Variants in IP6K2 observed in about 807,000 individuals in gnomAD.
IP6K2 encodes the protein inositol hexakisphosphate kinase 2.
Under a neutral mutation model 43.3 loss-of-function variants are expected in IP6K2, and 9 were observed. The observed-to-expected ratio is 0.21, with a 90% CI of 0.13 to 0.36. The LOEUF (loss-of-function observed/expected upper bound fraction) is 0.36, where lower values mean the gene tolerates loss of function less well. Ranked by LOEUF, IP6K2 falls within the 10% of genes least tolerant of loss-of-function variation. IP6K2 has a pLI of 1.00. For synonymous variants in IP6K2, 209 were observed against 202.4 expected (o/e 1.03, Z -0.28); for missense variants, 332 against 538.4 (o/e 0.62, Z 3.79).
At chr3:48,702,951 C>T (rs1307390581) in intron 1 of IP6K2, among the ~76,000 whole-genome samples, 1 of 152,216 alleles carries the variant, frequency 6.6e-6, no homozygotes, top group East Asian at 1.9e-4. Context: ...GCACCCACTG[C>T]AATCATCATC....
intron 2 of IP6K2, chr3:48,694,007 ACC>A: frequency 7.2e-7 from 1 of 1,384,396 alleles, no homozygotes; most frequent in South Asian, 1.8e-5. Context: ...CTGGCTGAAC[ACC>A]TTTCCTCCCA....
intron 1 of IP6K2, chr3:48,716,603 TAA>T (rs2081220018): frequency 6.6e-6 from 1 of 152,196 alleles, no homozygotes; most frequent in Non-Finnish European, 1.5e-5. Context: ...ATAATAAGGT[TAA>T]GTGTGTAGAT....
rs904359621 is a variant in IP6K2, at chr3:48,695,543, C to T, written c.-130-122G>A. 21 of 1,233,130 alleles carry T rather than the reference C, an allele frequency of 1.7e-5. No individual in the cohort carries two copies. The highest frequency in any genetic ancestry group is 4.6e-5 in the African/African-American group (3 of 65,538). The allele number at this position is 1,233,130 out of a possible 1,614,324, so 76.4% of individuals were successfully genotyped here. A position where few individuals can be genotyped will look rare whatever the true frequency, so the allele number is the denominator to read the frequency against. ...AACAGTCTGAGTTCTTGCGGGACTC[C>T]GCCCATGCCACCCACCTTGGCCCCC... On this transcript the variant is annotated intron_variant, in intron 1 of 5. Coordinates refer to ENST00000328631, the MANE Select transcript of IP6K2 (RefSeq NM_016291.4). This position sits in a 1 kb window ranked among gnomAD's most constrained non-coding sequence, Gnocchi z 4.6.
intron 1 of IP6K2, among the ~76,000 whole-genome samples, chr3:48,715,980 G>A (rs1481011119): frequency 2.0e-5 from 3 of 150,574 alleles, no homozygotes; most frequent in Non-Finnish European, 4.4e-5. Flanking sequence ...TGTCAAATGT[G>A]ATAAAGTATT....
intron 1 of IP6K2, among the ~76,000 whole-genome samples, chr3:48,696,818 C>T (rs996492077): frequency 2.6e-5 from 4 of 152,112 alleles, no homozygotes; most frequent in African/African-American, 9.7e-5. Flanking sequence ...GTATCAGGCT[C>T]ATGACAGGAA....
intron 1 of IP6K2, among the ~76,000 whole-genome samples, chr3:48,701,860 T>C (rs1224522505): frequency 1.3e-5 from 2 of 152,162 alleles, no homozygotes; most frequent in Non-Finnish European, 2.9e-5. Flanking sequence ...ATCGCACTAC[T>C]GTACTCCAGC....
At chr3:48,693,806 C>T in intron 2 of IP6K2, 1 of 1,081,530 alleles carries the variant, frequency 9.2e-7, no homozygotes, top group Non-Finnish European at 1.1e-6. Flanking sequence ...TTTGCAGTCT[C>T]ACGTCACAAA....
In IP6K2 at chr3:48,688,163, A is replaced by T; in HGVS notation, c.*110T>A. On this transcript the variant is annotated 3_prime_UTR_variant, in exon 6 of 6. Transcript: ENST00000328631. The surrounding 1 kb of genome is among the most constrained non-coding windows in gnomAD (Gnocchi z 5.1). ...GGGCTCACAGAGGCCACTGCACATCAGCTCCAGGCTGCAGGAGCCACCACC... is the reference window on the plus strand; with the variant it reads ...GGGCTCACAGAGGCCACTGCACATCTGCTCCAGGCTGCAGGAGCCACCACC... 1 of 1,221,932 alleles carries T rather than the reference A, an allele frequency of 8.2e-7. No individual in the cohort carries two copies. Among genetic ancestry groups the T allele is most frequent in the Non-Finnish European group, 1.2e-6 (1 of 851,960 alleles). The allele number at this position is 1,221,932 out of a possible 1,614,324, so 75.7% of individuals were successfully genotyped here.
intron 1 of IP6K2, among the ~76,000 whole-genome samples, chr3:48,705,488 G>A (rs879448143): frequency 2.0e-5 from 3 of 151,940 alleles, no homozygotes; most frequent in African/African-American, 4.8e-5. Flanking sequence ...ACCAGACTGG[G>A]CAAGCTGCAC....
intron 1 of IP6K2, among the ~76,000 whole-genome samples, chr3:48,703,591 C>A (rs967270715): frequency 1.3e-5 from 2 of 150,698 alleles, no homozygotes; most frequent in Non-Finnish European, 2.9e-5. Flanking sequence ...GTGGCAGGGG[C>A]CTATAGTCCC....
Position 48,695,021 on chromosome 3 carries a change from GC to G in IP6K2, c.202+68del. On this transcript the variant is annotated intron_variant, in intron 2 of 5. Transcript: ENST00000328631. The surrounding 1 kb of genome is among the most constrained non-coding windows in gnomAD (Gnocchi z 4.6). ...GAGGGCTCCAGGGATGGCTGCCAGG[GC>G]CTTCCATGGCCACGATCTCTCACAT... 6.2e-7 allele frequency: 1 copy of G among 1,613,738 alleles called. No individual in the cohort carries two copies. The highest frequency in any genetic ancestry group is 1.1e-5 in the South Asian group (1 of 91,052).
At chr3:48,703,940 A>C (rs1241237619) in intron 1 of IP6K2, among the ~76,000 whole-genome samples, 2 of 151,626 alleles carry the variant, frequency 1.3e-5, no homozygotes, top group African/African-American at 2.4e-5. Context: ...AAAAATACAA[A>C]AATTAGCCAG....
chr3:48,713,839 C>T (rs1002685161), intron 1 of IP6K2, among the ~76,000 whole-genome samples: 5 of 150,686 alleles, frequency 3.3e-5, no homozygotes, highest in East Asian at 2.0e-4. Flanking sequence ...AGGCCAGGTG[C>T]GGTGCAGTGG....
chr3:48,704,569 A>C (rs2106946983), intron 1 of IP6K2, among the ~76,000 whole-genome samples: 1 of 151,986 alleles, frequency 6.6e-6, no homozygotes, highest in East Asian at 1.9e-4. Flanking sequence ...CCCAGGCTCA[A>C]GTGATCCTCC....
Position 48,688,433 on chromosome 3 carries a change from G to A in IP6K2, c.1121C>T (p.Ala374Val), listed in dbSNP as rs2077510899. The A allele has an allele frequency of 6.2e-7, 1 of 1,614,204 alleles. No individual in the cohort carries two copies. Among genetic ancestry groups the A allele is most frequent in the Non-Finnish European group, 8.5e-7 (1 of 1,180,042 alleles). ...AGAYAYKPIG[A>V]SSVDVRMIDF... The stretch of plus-strand genomic sequence containing the variant: ...GATCATGCGCACATCTACAGAGCTG[G>A]CGCCGATGGGTTTGTAGGCATAGGC... The change falls in exon 6 of 6, where the codon GCC (alanine) becomes GTC (valine). Residue 374 changes from alanine (A) to valine (V), a missense_variant. By Grantham distance (64) the Ala-to-Val change is moderately conservative (BLOSUM62 0). Coordinates refer to ENST00000328631, the MANE Select transcript of IP6K2 (RefSeq NM_016291.4). This position sits in a 1 kb window ranked among gnomAD's most constrained non-coding sequence, Gnocchi z 5.1.
intron 1 of IP6K2, among the ~76,000 whole-genome samples, chr3:48,701,697 G>C (rs2079067908): frequency 1.3e-5 from 2 of 149,860 alleles, no homozygotes; most frequent in Admixed American, 6.7e-5. Context: ...AGGAGTTCGA[G>C]ACTAGCCTGG....
intron 1 of IP6K2, among the ~76,000 whole-genome samples, chr3:48,703,257 TAATG>T (rs1296055776): frequency 6.6e-6 from 1 of 152,202 alleles, no homozygotes; most frequent in Non-Finnish European, 1.5e-5. Flanking sequence ...AAAGACTAGT[TAATG>T]AAGAATAAAC....
chr3:48,692,431 C>G lies in IP6K2; in HGVS notation c.428+523G>C, dbSNP rs564175105. On this transcript the variant is annotated intron_variant, in intron 3 of 5. Transcript: ENST00000328631. ...CCAGTACAACCAGGTTCCCCTGACT[C>G]CAAAAGCTGGCAACTGGGAAAATAG... Among the ~76,000 whole-genome samples, 10 of 152,350 alleles carry G rather than the reference C, an allele frequency of 6.6e-5. No individual in the cohort carries two copies. The East Asian group carries it at 1.9e-3, about 29-fold the overall frequency.
rs1399537337 is a variant in IP6K2, at chr3:48,691,438, AC to A, written c.472del (p.Val158SerfsTer6). 1.2e-6 allele frequency: 2 copies of A among 1,612,992 alleles called. No individual in the cohort carries two copies. Among genetic ancestry groups the A allele is most frequent in the Non-Finnish European group, 1.7e-6 (2 of 1,179,310 alleles). On this transcript the variant is annotated frameshift_variant, in exon 4 of 6. Transcript: ENST00000328631. LOFTEE classifies it high-confidence loss of function. Reference sequence around the variant, plus strand: ...CTTCTTCTCTACAGTGTAGTACAAGACTTCAGATTTCTTTAGCCACTCAAAT... The same window carrying A: ...CTTCTTCTCTACAGTGTAGTACAAGATTCAGATTTCTTTAGCCACTCAAAT... ...EEFEWLKKSE[V>X]LYYTVEKKGN...
Sources: allele counts gnomAD v4.1 joint callset (sites outside exome capture counted in the v4.1 genomes callset), GRCh38; gene constraint gnomAD v4.1.1; non-coding constraint Gnocchi (gnomAD v3.1); transcripts MANE v1.5; gene names NCBI Gene and HGNC (gene_info 2026-07-23, HGNC 2026-07-21).